Variants in PPFIBP1 observed in about 807,000 individuals in gnomAD.
PPFIBP1 encodes the protein PPFIB scaffold protein 1.
In PPFIBP1, 112 loss-of-function variants were observed where a neutral mutation model predicts 137.8. That is an observed-to-expected ratio of 0.81 (90% CI 0.70 to 0.95). PPFIBP1 has a LOEUF of 0.95. PPFIBP1 is among the 40% of genes least tolerant of loss of function. PPFIBP1 has a pLI of 0.00. For synonymous variants in PPFIBP1, 378 were observed against 417.3 expected (o/e 0.91, Z 1.15); for missense variants, 1,083 against 1,196.6 (o/e 0.91, Z 1.40).
chr12:27,688,737 G>A (rs751784938), intron 26 of PPFIBP1, among the ~76,000 whole-genome samples: 11 of 152,210 alleles, frequency 7.2e-5, no homozygotes, highest in Non-Finnish European at 1.3e-4. Flanking sequence ...GCTTAAGGAG[G>A]TGGCTCCCAC....
In PPFIBP1 at chr12:27,633,244, T is replaced by C; in HGVS notation, c.-35-118T>C. The C allele has an allele frequency of 3.0e-6, 2 of 674,634 alleles. 1 individual carries two copies. Among genetic ancestry groups the C allele is most frequent in the Non-Finnish European group, 5.1e-6 (2 of 388,418 alleles). The allele number at this position is 674,634 out of a possible 1,614,324, so 41.8% of individuals were successfully genotyped here. On this transcript the variant is annotated intron_variant, in intron 2 of 29. Coordinates refer to ENST00000228425, the MANE Select transcript of PPFIBP1 (RefSeq NM_003622.4). ...TGGCCACAGCTTGCTACTCCACTAC[T>C]GAAGTTCTTCTTCCATATTTGACTA...
At chr12:27,634,775 T>C in intron 3 of PPFIBP1, 135 bp from the exon 4 acceptor site, 1 of 752,332 alleles carries the variant, frequency 1.3e-6, no homozygotes, top group Non-Finnish European at 2.2e-6. Flanking sequence ...TGGAGAGATT[T>C]ATGTGATTGA....
intron 2 of PPFIBP1, among the ~76,000 whole-genome samples, chr12:27,601,283 A>G (rs765904697): frequency 2.0e-5 from 3 of 152,230 alleles, no homozygotes; most frequent in Non-Finnish European, 4.4e-5. Context: ...TATTGTGACA[A>G]GGACTTCCTT....
At chr12:27,536,529 G>A (rs1235382553) in intron 1 of PPFIBP1, among the ~76,000 whole-genome samples, 1 of 152,192 alleles carries the variant, frequency 6.6e-6, no homozygotes, top group South Asian at 2.1e-4. Flanking sequence ...GATCTCCCAT[G>A]AACGAATTGA....
intron 2 of PPFIBP1, among the ~76,000 whole-genome samples, chr12:27,607,747 C>T (rs1020270726): frequency 3.3e-5 from 5 of 152,086 alleles, no homozygotes; most frequent in African/African-American, 9.7e-5. Flanking sequence ...AATGGGGAAG[C>T]GATGATTATC....
chr12:27,619,702 C>A (rs184309895), intron 2 of PPFIBP1, among the ~76,000 whole-genome samples: 2 of 152,228 alleles, frequency 1.3e-5, no homozygotes, highest in South Asian at 2.1e-4. Flanking sequence ...GCATTTACAT[C>A]AAAAATATAC....
intron 1 of PPFIBP1, among the ~76,000 whole-genome samples, chr12:27,561,356 T>A (rs2049149169): frequency 6.6e-6 from 1 of 152,204 alleles, no homozygotes; most frequent in Non-Finnish European, 1.5e-5. Context: ...CCTCATTTTC[T>A]TTAAATTTCT....
intron 2 of PPFIBP1, among the ~76,000 whole-genome samples, chr12:27,600,574 A>T (rs1227298091): frequency 6.6e-6 from 1 of 151,984 alleles, no homozygotes; most frequent in Non-Finnish European, 1.5e-5. Context: ...AAAAAAACAT[A>T]GATAAAACTT....
rs749580338 is a variant in PPFIBP1, at chr12:27,674,264, C to T, written c.1410+43C>T. The T allele has an allele frequency of 8.7e-6, 13 of 1,489,018 alleles. No individual in the cohort carries two copies. In the African/African-American group the frequency reaches 1.1e-4, roughly 13 times the overall value. 92.2% of individuals were successfully genotyped at this position (1,489,018 alleles called of 1,614,324 possible). On this transcript the variant is annotated intron_variant, in intron 17 of 29. Transcript: ENST00000228425. Reference sequence around the variant, plus strand: ...TTACAATGCAAAAATATTTCTACTTCCATTACATGTAAATTGCTTAAATGT... The same window carrying T: ...TTACAATGCAAAAATATTTCTACTTTCATTACATGTAAATTGCTTAAATGT...
At chr12:27,587,199 G>A (rs185719698) in intron 2 of PPFIBP1, among the ~76,000 whole-genome samples, 1 of 152,224 alleles carries the variant, frequency 6.6e-6, no homozygotes, top group Admixed American at 6.5e-5. Context: ...CCCAAAGGCA[G>A]GTGCGAGAAT....
chr12:27,537,515 T>G (rs570834649), intron 1 of PPFIBP1, among the ~76,000 whole-genome samples: 2 of 152,246 alleles, frequency 1.3e-5, no homozygotes, highest in Non-Finnish European at 2.9e-5. Context: ...CTCCAAAGCT[T>G]TCTTTGACCT....
intron 1 of PPFIBP1, among the ~76,000 whole-genome samples, chr12:27,575,375 C>T (rs533545872): frequency 6.2e-4 from 95 of 152,248 alleles, no homozygotes; most frequent in African/African-American, 2.1e-3. Flanking sequence ...TGAGATATGG[C>T]ATTATGTATT....
chr12:27,661,056 C>A, intron 11 of PPFIBP1, 111 bp downstream of exon 11: 1 of 1,444,536 alleles, frequency 6.9e-7, no homozygotes, highest in Non-Finnish European at 9.3e-7. Context: ...CAGAACACTG[C>A]TAGGAGTGAG....
chr12:27,554,912 T>C (rs1202417205), intron 1 of PPFIBP1, among the ~76,000 whole-genome samples: 1 of 151,894 alleles, frequency 6.6e-6, no homozygotes, highest in Non-Finnish European at 1.5e-5. Flanking sequence ...GGGGCTGTGA[T>C]GTCCTAGGAA....
rs771773121 is a variant in PPFIBP1 at position 27,647,737 on chromosome 12, G to C, written c.366G>C (p.Val122=). 41 of 1,602,220 alleles carry C rather than the reference G, an allele frequency of 2.6e-5. No individual in the cohort carries two copies. The Middle Eastern group carries it at 2.2e-3, about 84-fold the overall frequency. Reference sequence around the variant, plus strand: ...TTTTGCTCTAAATACAGGTAAGTGTGTTAACAGACCAGGTGGAGGCTCAGG... The same window carrying C: ...TTTTGCTCTAAATACAGGTAAGTGTCTTAACAGACCAGGTGGAGGCTCAGG... The part of the protein sequence containing the change: ...DKESLVLQVS[V]LTDQVEAQGE... Residue 122 remains valine (V), a synonymous_variant, in exon 6 of 30, where the codon GTG becomes GTC. Coordinates refer to ENST00000228425, the MANE Select transcript of PPFIBP1 (RefSeq NM_003622.4).
chr12:27,674,790 G>A (rs1369779620), intron 17 of PPFIBP1, among the ~76,000 whole-genome samples: 7 of 146,358 alleles, frequency 4.8e-5, no homozygotes, highest in Non-Finnish European at 9.0e-5. Flanking sequence ...GTCAACATGT[G>A]CTCAATTCTT....
At chr12:27,661,161 A>G (rs1210740698) in intron 11 of PPFIBP1, among the ~76,000 whole-genome samples, 1 of 152,170 alleles carries the variant, frequency 6.6e-6, no homozygotes, top group Non-Finnish European at 1.5e-5. Context: ...ACGAATTCAG[A>G]AAATGTTCAA....
At chr12:27,658,789 TC>T in intron 9 of PPFIBP1, 26 bp from the exon 10 acceptor site, 3 of 1,603,236 alleles carry the variant, frequency 1.9e-6, no homozygotes, top group Non-Finnish European at 2.6e-6. Context: ...TATGCTAACT[TC>T]CAATCCAATG....
chr12:27,619,960 T>TTA (rs1199181279), intron 2 of PPFIBP1, among the ~76,000 whole-genome samples: 1 of 151,750 alleles, frequency 6.6e-6, no homozygotes. Context: ...TACATACATT[T>TTA]TATATATATA....
Sources: allele counts gnomAD v4.1 joint callset (sites outside exome capture counted in the v4.1 genomes callset), GRCh38; gene constraint gnomAD v4.1.1; transcripts MANE v1.5; gene names NCBI Gene and HGNC (gene_info 2026-07-23, HGNC 2026-07-21).